Variants in SCARB2 observed in about 807,000 individuals in gnomAD.
The protein encoded by SCARB2 is scavenger receptor class B member 2.
In SCARB2, 29 loss-of-function variants were observed where a neutral mutation model predicts 58.6. The observed-to-expected ratio is 0.49, with a 90% CI of 0.37 to 0.67. The LOEUF (loss-of-function observed/expected upper bound fraction) is 0.67. Ranked by LOEUF, SCARB2 falls within the 30% of genes least tolerant of loss-of-function variation. The pLI, the probability that SCARB2 is intolerant of heterozygous loss-of-function variation, is 0.00. For missense variants in SCARB2, 488 were observed against 578.5 expected (o/e 0.84, Z 1.60); for synonymous variants, 195 against 210.1 (o/e 0.93, Z 0.62).
chr4:76,186,558 G>A (rs1277136563), intron 2 of SCARB2, among the ~76,000 whole-genome samples: 3 of 152,152 alleles, frequency 2.0e-5, no homozygotes, highest in Non-Finnish European at 4.4e-5. Flanking sequence ...TAGATACAAA[G>A]CAGGATACTG....
intron 5 of SCARB2, 57 bp from the exon 6 acceptor site, chr4:76,175,967 C>CT: frequency 1.2e-6 from 2 of 1,604,186 alleles, no homozygotes; most frequent in Non-Finnish European, 1.7e-6. Context: ...TTTAGATTCT[C>CT]TTAAATGGTC....
intron 9 of SCARB2, 44 bp downstream of exon 9, chr4:76,168,359 G>A: frequency 6.7e-7 from 1 of 1,484,230 alleles, no homozygotes; most frequent in Non-Finnish European, 9.4e-7. Flanking sequence ...GACGGGCAAT[G>A]GAGCAAAACT....
intron 2 of SCARB2, among the ~76,000 whole-genome samples, chr4:76,186,773 A>G (rs1345313643): frequency 6.6e-6 from 1 of 152,170 alleles, no homozygotes; most frequent in Admixed American, 6.5e-5. Context: ...TTTGTGCATG[A>G]TAAGATGGTG....
chr4:76,166,433 A>G, intron 9 of SCARB2, 132 bp from the exon 10 acceptor site: 1 of 962,016 alleles, frequency 1.0e-6, no homozygotes, highest in Non-Finnish European at 1.7e-6. Flanking sequence ...CTGATTTCTT[A>G]GTTATCTTTG....
At chr4:76,190,880 A>G (rs1293310519) in intron 2 of SCARB2, among the ~76,000 whole-genome samples, 1 of 152,244 alleles carries the variant, frequency 6.6e-6, no homozygotes, top group African/African-American at 2.4e-5. Flanking sequence ...ACATGTGGCT[A>G]TTGCACATTC....
intron 4 of SCARB2, among the ~76,000 whole-genome samples, chr4:76,177,546 C>T (rs1732278070): frequency 6.6e-6 from 1 of 152,004 alleles, no homozygotes; most frequent in South Asian, 2.1e-4. Context: ...AGGTATATAC[C>T]CAATGTTCAT....
chr4:76,205,562 T>A (rs1443280081), intron 1 of SCARB2, among the ~76,000 whole-genome samples: 4 of 152,184 alleles, frequency 2.6e-5, no homozygotes, highest in Non-Finnish European at 5.9e-5. Context: ...GACTTGTCAA[T>A]TAAAAAATGA....
intron 7 of SCARB2, 85 bp downstream of exon 7, chr4:76,174,059 C>G: frequency 1.3e-6 from 2 of 1,532,908 alleles, no homozygotes; most frequent in African/African-American, 1.4e-5. Context: ...GTGTGCGCCA[C>G]TACGCCCAGC....
intron 2 of SCARB2, among the ~76,000 whole-genome samples, chr4:76,188,654 A>G (rs1732537121): frequency 1.3e-5 from 2 of 152,170 alleles, no homozygotes. Context: ...TTGGGAGAAA[A>G]CACTGGAGCA....
rs1485497925 is a variant in SCARB2 at position 76,174,235 on chromosome 4, T to C, written c.903A>G (p.Ile301Met). 1.2e-6 allele frequency: 2 copies of C among 1,614,218 alleles called. No individual in the cohort carries two copies. Among genetic ancestry groups the C allele is most frequent in the Admixed American group, 3.3e-5 (2 of 60,024 alleles). Residue 301 changes from isoleucine to methionine, a missense_variant, in exon 7 of 12, where the codon ATA becomes ATG. By Grantham distance (10) the Ile-to-Met change is conservative (BLOSUM62 1). Coordinates refer to ENST00000264896, the MANE Select transcript of SCARB2 (RefSeq NM_005506.4). Reference sequence around the variant, plus strand: ...CGGCATTGTCTGACGTATTGGCTAATATTTCTGCAGGAACTTTATACCGAA... The same window carrying C: ...CGGCATTGTCTGACGTATTGGCTAACATTTCTGCAGGAACTTTATACCGAA... ...PAFRYKVPAE[I>M]LANTSDNAGF...
chr4:76,201,068 G>A (rs761777879), intron 1 of SCARB2, among the ~76,000 whole-genome samples: 1 of 152,144 alleles, frequency 6.6e-6, no homozygotes, highest in Non-Finnish European at 1.5e-5. Flanking sequence ...GTCACCTGTC[G>A]CTGTCTTTTC....
intron 4 of SCARB2, 132 bp downstream of exon 4, chr4:76,179,385 A>AT: frequency 1.4e-6 from 1 of 723,660 alleles, no homozygotes; most frequent in Non-Finnish European, 2.4e-6. Context: ...AAAACACTCC[A>AT]TTTTTCACAC....
chr4:76,209,918 G>A (rs918111938), intron 1 of SCARB2, among the ~76,000 whole-genome samples: 1 of 152,208 alleles, frequency 6.6e-6, no homozygotes, highest in South Asian at 2.1e-4. Flanking sequence ...CCTGACTGTG[G>A]CCAGTTCTGC....
chr4:76,163,346 T>G lies in SCARB2; in HGVS notation c.1277A>C (p.Lys426Thr). ...GATCAAAGTAGTGTTAATCATAGAC[T>G]TCAGTCGACTCGCCGTCTCTTTATC... ...HIDKETASRL[K>T]SMINTTLIIT... The change falls in exon 11 of 12, where the codon AAG becomes ACG. Residue 426 changes from lysine (K) to threonine (T), a missense_variant. Transcript: ENST00000264896. The G allele has an allele frequency of 6.2e-7, 1 of 1,614,206 alleles. No homozygotes were observed. The highest frequency in any genetic ancestry group is 1.1e-5 in the South Asian group (1 of 91,086).
intron 1 of SCARB2, among the ~76,000 whole-genome samples, chr4:76,227,608 A>G (rs12504041): frequency 0.061 from 9,208 of 152,150 alleles, 296 homozygotes; most frequent in Middle Eastern, 0.095. Flanking sequence ...GATCTGTCTA[A>G]TGCAGTCAGT....
intron 1 of SCARB2, among the ~76,000 whole-genome samples, chr4:76,207,569 T>A (rs1431428829): frequency 2.0e-5 from 3 of 152,210 alleles, no homozygotes; most frequent in African/African-American, 7.2e-5. Flanking sequence ...ACACCTAAAG[T>A]GGTCTTTATT....
intron 7 of SCARB2, chr4:76,173,928 C>CT (rs1383541782): frequency 1.6e-6 from 1 of 610,386 alleles, no homozygotes; most frequent in African/African-American, 1.8e-5. Context: ...ACAATATATT[C>CT]TTTTTTGTTT....
upstream of SCARB2, among the ~76,000 whole-genome samples, chr4:76,218,068 C>T (rs576753342): frequency 2.0e-5 from 3 of 152,334 alleles, no homozygotes; most frequent in South Asian, 2.1e-4. Flanking sequence ...TGGCTCATGC[C>T]TGTAATCCCA....
At chr4:76,213,325 G>T in intron 1 of SCARB2, 102 bp downstream of exon 1, 1 of 805,622 alleles carries the variant, frequency 1.2e-6, no homozygotes, top group Non-Finnish European at 2.2e-6. Context: ...TAGCGCGGAG[G>T]GTCTGCCTGA....
Sources: allele counts gnomAD v4.1 joint callset (sites outside exome capture counted in the v4.1 genomes callset), GRCh38; gene constraint gnomAD v4.1.1; transcripts MANE v1.5; gene names NCBI Gene and HGNC (gene_info 2026-07-23, HGNC 2026-07-21).